The following CSMD1 variants were observed in gnomAD, a reference collection of about 807,000 sequenced individuals.
CSMD1 encodes CUB and Sushi multiple domains 1.
Under a neutral mutation model 417.5 loss-of-function variants are expected in CSMD1, and 213 were observed. That is an observed-to-expected ratio of 0.51 (90% CI 0.46 to 0.57). The LOEUF is 0.57. CSMD1 is among the 20% of genes least tolerant of loss of function. The pLI, the probability that CSMD1 is intolerant of heterozygous loss-of-function variation, is 0.00. For missense variants in CSMD1, 6,923 were observed against 4,529.7 expected, an observed-to-expected ratio of 1.53 and a Z score of -15.17; for synonymous variants, 2,862 against 1,736.8, an observed-to-expected ratio of 1.65 and a Z score of -16.11.
chr8:3,835,720 CAA>C (rs34306675), intron 5 of CSMD1, among the ~76,000 whole-genome samples: 2 of 144,818 alleles, frequency 1.4e-5, no homozygotes, highest in Non-Finnish European at 3.0e-5. Flanking sequence ...ATAAAATTAA[CAA>C]AAAAAAAAAA....
chr8:4,147,889 G>A (rs1361388702), intron 3 of CSMD1, among the ~76,000 whole-genome samples: 5 of 152,130 alleles, frequency 3.3e-5, no homozygotes, highest in East Asian at 1.9e-4. Flanking sequence ...GGGGCTGCAT[G>A]TGATTCTTCT....
intron 3 of CSMD1, among the ~76,000 whole-genome samples, chr8:4,200,964 T>C (rs1355626635): frequency 6.6e-6 from 1 of 152,072 alleles, no homozygotes; most frequent in Non-Finnish European, 1.5e-5. Context: ...TGTCAGAAAG[T>C]TGTCTTATTA....
intron 5 of CSMD1, among the ~76,000 whole-genome samples, chr8:3,851,057 G>A (rs993163868): frequency 1.2e-4 from 18 of 152,178 alleles, no homozygotes; most frequent in Non-Finnish European, 2.2e-4. Context: ...AGAAATGAAT[G>A]TAGAAGGAAT....
intron 1 of CSMD1, among the ~76,000 whole-genome samples, chr8:4,742,825 C>T (rs947745884): frequency 6.6e-6 from 1 of 152,036 alleles, no homozygotes; most frequent in African/African-American, 2.4e-5. Flanking sequence ...TTCTGTAGAG[C>T]ATTTTTATAT....
intron 51 of CSMD1, among the ~76,000 whole-genome samples, chr8:3,027,278 G>C (rs528861376): frequency 2.0e-3 from 300 of 152,184 alleles, no homozygotes; most frequent in Non-Finnish European, 3.6e-3. Flanking sequence ...TGCATTCCCT[G>C]GTGTGGAATT....
intron 7 of CSMD1, among the ~76,000 whole-genome samples, chr8:3,643,597 C>T (rs561412850): frequency 4.7e-5 from 7 of 147,566 alleles, no homozygotes; most frequent in African/African-American, 1.3e-4. Context: ...ACTACCCGGG[C>T]GGCTGAGGCA....
chr8:3,417,456 G>C (rs760222986), intron 12 of CSMD1, among the ~76,000 whole-genome samples: 2 of 152,150 alleles, frequency 1.3e-5, no homozygotes, highest in Non-Finnish European at 2.9e-5. Flanking sequence ...AAGCAATGTT[G>C]TCTAGCTTGT....
rs572116100 is a variant in CSMD1 at position 4,273,216 on chromosome 8, G to A, written c.415+146737C>T. The stretch of plus-strand genomic sequence containing the variant: ...AAGAAGAATATACACTTGAATGACA[G>A]TCTTTCTCATAAAATATAACTTATA... On this transcript the variant is annotated intron_variant, in intron 3 of 69. Coordinates refer to ENST00000635120, the MANE Select transcript of CSMD1 (RefSeq NM_033225.6). Among the ~76,000 whole-genome samples the A allele has an allele frequency of 9.9e-5, 15 of 152,200 alleles. No individual in the cohort carries two copies. In the South Asian group the frequency reaches 2.9e-3, roughly 29 times the overall value.
chr8:3,831,297 G>GC (rs2129087780), intron 5 of CSMD1, among the ~76,000 whole-genome samples: 1 of 152,274 alleles, frequency 6.6e-6, no homozygotes, highest in South Asian at 2.1e-4. Context: ...GCCCTGGGGA[G>GC]CTGTGGCATG....
At chr8:3,598,377 C>G (rs746583751) in intron 8 of CSMD1, 10 of 152,150 alleles carry the variant, frequency 6.6e-5, no homozygotes, top group Admixed American at 1.3e-4. Context: ...TAGATCCAGC[C>G]CTTAATGCTC....
intron 5 of CSMD1, among the ~76,000 whole-genome samples, chr8:3,835,971 G>C (rs1563129054): frequency 6.6e-6 from 1 of 152,008 alleles, no homozygotes; most frequent in Non-Finnish European, 1.5e-5. Context: ...TTAAGACCTT[G>C]ACTCTCTTAT....
chr8:3,454,140 C>G (rs1231833223), intron 12 of CSMD1, among the ~76,000 whole-genome samples: 2 of 152,072 alleles, frequency 1.3e-5, no homozygotes, highest in Admixed American at 1.3e-4. Flanking sequence ...GCAACCCCTG[C>G]CTTTTTTTGT....
intron 3 of CSMD1, among the ~76,000 whole-genome samples, chr8:4,359,423 TC>T (rs1433915916): frequency 1.3e-5 from 2 of 152,248 alleles, no homozygotes; most frequent in African/African-American, 4.8e-5. Context: ...GCTTTGTTTT[TC>T]TTCCTATTTT....
intron 37 of CSMD1, among the ~76,000 whole-genome samples, chr8:3,163,651 A>G (rs1585524621): frequency 6.6e-6 from 1 of 152,032 alleles, no homozygotes; most frequent in Admixed American, 6.5e-5. Flanking sequence ...CAAAGATAAA[A>G]TGATTAAGAA....
intron 7 of CSMD1, among the ~76,000 whole-genome samples, chr8:3,628,436 C>G (rs575540906): frequency 2.6e-5 from 4 of 152,268 alleles, no homozygotes; most frequent in African/African-American, 9.6e-5. Flanking sequence ...TTCCATTAAC[C>G]GTAAGTCATG....
intron 1 of CSMD1, among the ~76,000 whole-genome samples, chr8:4,782,020 T>C (rs1797175445): frequency 6.6e-6 from 1 of 152,222 alleles, no homozygotes; most frequent in Non-Finnish European, 1.5e-5. Context: ...TTTATGCACC[T>C]TTCTCAGTCC....
At chr8:3,879,836 C>CGTGT (rs55713446) in intron 5 of CSMD1, among the ~76,000 whole-genome samples, 1 of 150,530 alleles carries the variant, frequency 6.6e-6, no homozygotes, top group Non-Finnish European at 1.5e-5. Context: ...TGTGCGTGTG[C>CGTGT]GTGTGTGTGT....
intron 5 of CSMD1, among the ~76,000 whole-genome samples, chr8:3,782,307 A>G (rs1584989844): frequency 6.6e-6 from 1 of 152,316 alleles, no homozygotes; most frequent in East Asian, 1.9e-4. Flanking sequence ...CATGCTAACC[A>G]TACTTGTATG....
At chr8:4,618,942 C>G (rs1801625838) in intron 2 of CSMD1, among the ~76,000 whole-genome samples, 1 of 152,120 alleles carries the variant, frequency 6.6e-6, no homozygotes, top group Non-Finnish European at 1.5e-5. Context: ...AATAACAAAT[C>G]CATATTTTAT....
Sources: allele counts gnomAD v4.1 joint callset (sites outside exome capture counted in the v4.1 genomes callset), GRCh38; gene constraint gnomAD v4.1.1; transcripts MANE v1.5; gene names NCBI Gene and HGNC (gene_info 2026-07-23, HGNC 2026-07-21).